Variants in SLC22A8 observed in about 807,000 individuals in gnomAD.
The protein encoded by SLC22A8 is solute carrier family 22 member 8, also known as organic anion transporter 3.
Under a neutral mutation model 48.4 loss-of-function variants are expected in SLC22A8, and 40 were observed. The ratio of observed to expected loss-of-function variants is 0.83; its 90% CI spans 0.64 to 1.08. SLC22A8 has a LOEUF of 1.08. Among genes scored for constraint, SLC22A8 ranks in the 50% least tolerant of loss-of-function variants. SLC22A8 has a pLI of 0.00. For synonymous variants in SLC22A8, 268 were observed against 286.3 expected (o/e 0.94, Z 0.65); for missense variants, 606 against 699.0 (o/e 0.87, Z 1.50).
At chr11:63,000,094 A>AT (rs2086474136) in intron 3 of SLC22A8, among the ~76,000 whole-genome samples, 1 of 152,130 alleles carries the variant, frequency 6.6e-6, no homozygotes, top group Non-Finnish European at 1.5e-5. Context: ...GGGTCAAAGG[A>AT]CCGCCCATCT....
At chr11:63,006,595 G>GTTTTTTGTTTTTTTT (rs2086557443) in intron 2 of SLC22A8, among the ~76,000 whole-genome samples, 2 of 51,426 alleles carry the variant, frequency 3.9e-5, no homozygotes, top group South Asian at 1.0e-3. Flanking sequence ...TCTCATTTGA[G>GTTTTTTGTTTTTTTT]TTTTTTTTTT....
chr11:63,001,214 TC>T (rs2086490655), intron 2 of SLC22A8, among the ~76,000 whole-genome samples: 1 of 152,072 alleles, frequency 6.6e-6, no homozygotes, highest in Non-Finnish European at 1.5e-5. Context: ...ACAGGGACGT[TC>T]CTCTATCCTT....
At chr11:62,995,984 G>A in intron 6 of SLC22A8, 45 bp downstream of exon 6, 4 of 1,613,464 alleles carry the variant, frequency 2.5e-6, no homozygotes, top group Non-Finnish European at 2.5e-6. Context: ...GCCCAAGAGT[G>A]GAGCACAGGG....
intron 2 of SLC22A8, among the ~76,000 whole-genome samples, chr11:63,005,779 C>G (rs949437625): frequency 1.3e-5 from 2 of 152,110 alleles, no homozygotes; most frequent in African/African-American, 2.4e-5. Flanking sequence ...TTCCCTAGAG[C>G]CTTTGGAGAG....
chr11:62,997,344 C>T (rs2086434400), intron 5 of SLC22A8, among the ~76,000 whole-genome samples: 1 of 152,214 alleles, frequency 6.6e-6, no homozygotes, highest in South Asian at 2.1e-4. Flanking sequence ...CCTGCCTCAG[C>T]CTCCCAAGTA....
chr11:63,015,478 G>T (rs994784977), intron 1 of SLC22A8, among the ~76,000 whole-genome samples: 1 of 152,214 alleles, frequency 6.6e-6, no homozygotes, highest in Non-Finnish European at 1.5e-5. Flanking sequence ...AATGTCCCCA[G>T]TTGCTCCAGG....
At chr11:63,012,065 C>G (rs1481451787) in intron 2 of SLC22A8, among the ~76,000 whole-genome samples, 1 of 151,680 alleles carries the variant, frequency 6.6e-6, no homozygotes, top group African/African-American at 2.4e-5. Context: ...TCTTGGCTCA[C>G]TGCAACCTCC....
chr11:62,993,869 G>A lies in SLC22A8; in HGVS notation c.1226C>T (p.Thr409Ile), dbSNP rs267603084. The change falls in exon 9 of 11, where the codon ACC (threonine) becomes ATC (isoleucine). Residue 409 changes from threonine to isoleucine, a missense_variant. Transcript: ENST00000336232. ...ALTFVPLDLQ[T>I]VRTVLAVFGK... is the part of the protein sequence containing the mutation. Reference sequence around the variant, plus strand: ...AAACACAGCCAATACTGTCCTCACGGTCTGCAAGTCTGCAGAGGGAAGAAA... The same window carrying A: ...AAACACAGCCAATACTGTCCTCACGATCTGCAAGTCTGCAGAGGGAAGAAA... The A allele has an allele frequency of 2.5e-6, 4 of 1,607,432 alleles. No individual in the cohort carries two copies. Among genetic ancestry groups the A allele is most frequent in the Non-Finnish European group, 3.4e-6 (4 of 1,173,986 alleles).
At chr11:63,001,950 G>T (rs1026256212) in intron 2 of SLC22A8, among the ~76,000 whole-genome samples, 11 of 150,792 alleles carry the variant, frequency 7.3e-5, no homozygotes, top group Middle Eastern at 3.4e-3. Context: ...TTTGAGACAG[G>T]GTCTCACTCT....
intron 1 of SLC22A8, among the ~76,000 whole-genome samples, chr11:63,015,310 T>G (rs2086662049): frequency 6.6e-6 from 1 of 152,170 alleles, no homozygotes; most frequent in African/African-American, 2.4e-5. Context: ...CTCGGGTATG[T>G]GTTGTGAGCG....
At chr11:63,002,971 G>A (rs1031346846) in intron 2 of SLC22A8, among the ~76,000 whole-genome samples, 2 of 152,082 alleles carry the variant, frequency 1.3e-5, no homozygotes, top group African/African-American at 2.4e-5. Flanking sequence ...ACTGGACTTC[G>A]GCCTCATCCC....
chr11:62,999,012 T>C lies in SLC22A8; in HGVS notation c.670A>G (p.Ile224Val). 1.9e-6 allele frequency: 3 copies of C among 1,614,134 alleles called. No individual in the cohort carries two copies. Among genetic ancestry groups the C allele is most frequent in the Non-Finnish European group, 2.5e-6 (3 of 1,179,942 alleles). Residue 224 changes from isoleucine to valine, a missense_variant, in exon 5 of 11, where the codon ATT (isoleucine) becomes GTT (valine). Coordinates refer to ENST00000336232, the MANE Select transcript of SLC22A8 (RefSeq NM_004254.4). Reference sequence around the variant, plus strand: ...ATGGCGTAGGCCAGGCCGGGCAGAATGAACTGGCCAAAGGTGTAGCAGTAC... The same window carrying C: ...ATGGCGTAGGCCAGGCCGGGCAGAACGAACTGGCCAAAGGTGTAGCAGTAC... ...LGYCYTFGQF[I>V]LPGLAYAIPQ... is the part of the protein sequence containing the mutation.
chr11:63,001,671 C>T (rs2086496753), intron 2 of SLC22A8, among the ~76,000 whole-genome samples: 1 of 152,216 alleles, frequency 6.6e-6, no homozygotes, highest in Non-Finnish European at 1.5e-5. Flanking sequence ...CCTCCTCTCT[C>T]TCCACTTTCC....
intron 2 of SLC22A8, 39 bp from the exon 3 acceptor site, chr11:63,000,862 A>G (rs1470946418): frequency 1.3e-6 from 2 of 1,496,384 alleles, no homozygotes; most frequent in Non-Finnish European, 1.9e-6. Context: ...AACTCAGTGT[A>G]GACAGCCTGC....
At position 63,005,525 on chromosome 11, in the gene SLC22A8, C is replaced by T. The variant is rs75500923; in HGVS notation, c.334-4702G>A. ...TTTTAACTCTTCGTGGATCAGAATA[C>T]GACCTCATTTGGAAATAGAGTTGTT... is the stretch of plus-strand genomic sequence containing the variant. On this transcript the variant is annotated intron_variant, in intron 2 of 10. Coordinates refer to ENST00000336232, the MANE Select transcript of SLC22A8 (RefSeq NM_004254.4). 3.1e-3 allele frequency among the ~76,000 whole-genome samples: 469 copies of T among 152,208 alleles called. 4 individuals carry two copies. The highest frequency in any genetic ancestry group is 3.5e-3 in the Non-Finnish European group (238 of 68,022).
In SLC22A8 at chr11:62,993,782, G is replaced by A; in HGVS notation, c.1313C>T (p.Pro438Leu). The A allele has an allele frequency of 1.2e-6, 2 of 1,612,212 alleles. No homozygotes were observed. The highest frequency in any genetic ancestry group is 1.7e-6 in the Non-Finnish European group (2 of 1,178,222). The change falls in exon 9 of 11, where the codon CCC becomes CTC. Residue 438 changes from proline (P) to leucine (L), a missense_variant. Pro to Leu is a moderately conservative substitution (Grantham distance 98). Coordinates refer to ENST00000336232, the MANE Select transcript of SLC22A8 (RefSeq NM_004254.4). The part of the protein sequence containing the change: ...CLFLYTSELY[P>L]TVIRQTGMGV... Reference sequence around the variant, plus strand: ...GTCCAGCACCTACCTGATGACTGTGGGGTATAATTCACTTGTGTAGAGGAA... The same window carrying A: ...GTCCAGCACCTACCTGATGACTGTGAGGTATAATTCACTTGTGTAGAGGAA...
intron 2 of SLC22A8, among the ~76,000 whole-genome samples, chr11:63,008,651 C>T (rs2086583191): frequency 6.6e-6 from 1 of 152,134 alleles, no homozygotes; most frequent in African/African-American, 2.4e-5. Context: ...AATAGGCACT[C>T]AATTCACAAT....
chr11:63,009,411 A>G (rs1167385031), intron 2 of SLC22A8, among the ~76,000 whole-genome samples: 1 of 151,924 alleles, frequency 6.6e-6, no homozygotes, highest in Non-Finnish European at 1.5e-5. Context: ...AGCCCTGGAG[A>G]CAAGGCAGGG....
Position 63,015,025 on chromosome 11 carries a change from T to C in SLC22A8, c.-25-42A>G. ...GGCCAGGGAGAGGTATATTTGTGCC[T>C]GGTAGTGCGTGGGTCTATGGAACGA... is the stretch of plus-strand genomic sequence containing the variant. On this transcript the variant is annotated intron_variant, in intron 1 of 10. Coordinates refer to ENST00000336232, the MANE Select transcript of SLC22A8 (RefSeq NM_004254.4). 5.9e-6 allele frequency: 8 copies of C among 1,364,394 alleles called. No homozygotes were observed. In the South Asian group the frequency reaches 1.1e-4, roughly 19 times the overall value. 84.5% of individuals were successfully genotyped at this position (1,364,394 alleles called of 1,614,324 possible). A position where few individuals can be genotyped will look rare whatever the true frequency, so the allele number is the denominator to read the frequency against.
Sources: allele counts gnomAD v4.1 joint callset (sites outside exome capture counted in the v4.1 genomes callset), GRCh38; gene constraint gnomAD v4.1.1; transcripts MANE v1.5; gene names NCBI Gene and HGNC (gene_info 2026-07-23, HGNC 2026-07-21).